The following DNM2 variants were observed in gnomAD, a reference collection of about 807,000 sequenced individuals.
The protein encoded by DNM2 is dynamin 2, also known as dynamin-2.
Under a neutral mutation model 99.0 loss-of-function variants are expected in DNM2, and 15 were observed. The observed-to-expected ratio is 0.15, with a 90% confidence interval of 0.10 to 0.23. The LOEUF is 0.23. Among genes scored for constraint, DNM2 ranks in the 10% least tolerant of loss-of-function variants. DNM2 has a pLI of 1.00. For missense variants in DNM2, 742 were observed against 1,189.4 expected (o/e 0.62, Z 5.53); for synonymous variants, 525 against 481.2 (o/e 1.09, Z -1.19).
Position 10,743,667 on chromosome 19 carries a change from G to A in DNM2, c.162-16071G>A, listed in dbSNP as rs971498167. The stretch of plus-strand genomic sequence containing the variant: ...CTACTAAAAATACAAAAAATTAGCC[G>A]GGTGTGGTGGCGGGTGCTTGTAGTC... On this transcript the variant is annotated intron_variant, in intron 1 of 20. Transcript: ENST00000389253. Among the ~76,000 whole-genome samples, 12 of 151,748 alleles carry A rather than the reference G, an allele frequency of 7.9e-5. No homozygotes were observed. In the East Asian group the frequency reaches 1.4e-3, roughly 17 times the overall value.
intron 15 of DNM2, among the ~76,000 whole-genome samples, chr19:10,819,007 C>T (rs574761422): frequency 2.6e-5 from 4 of 152,218 alleles, no homozygotes; most frequent in African/African-American, 7.2e-5. Flanking sequence ...AGGGTGCCAC[C>T]CCCAGCTCCG....
rs1342132509 is a variant in DNM2, at chr19:10,812,289, TCAA to T, written c.1589_1591del (p.Asn530del). On this transcript the variant is annotated inframe_deletion, in exon 15 of 21. Transcript: ENST00000389253. This position sits in a 1 kb window ranked among gnomAD's most constrained non-coding sequence, Gnocchi z 4.0. ...GTGATCCGCAGGGGCTGGCTGACCA[TCAA>T]CAACATCAGCCTGATGAAAGGCGGC... 5.6e-6 allele frequency: 9 copies of T among 1,607,766 alleles called. No homozygotes were observed. Among genetic ancestry groups the T allele is most frequent in the Non-Finnish European group, 7.6e-6 (9 of 1,176,852 alleles).
At chr19:10,738,851 CAA>C (rs2069629535) in intron 1 of DNM2, among the ~76,000 whole-genome samples, 1 of 123,460 alleles carries the variant, frequency 8.1e-6, no homozygotes, top group African/African-American at 3.1e-5. Flanking sequence ...GCCTGGGCAA[CAA>C]GAGCAAAACT....
intron 1 of DNM2, among the ~76,000 whole-genome samples, chr19:10,732,372 G>C (rs1320376736): frequency 6.7e-6 from 1 of 149,334 alleles, no homozygotes; most frequent in Middle Eastern, 3.3e-3. Context: ...AGGCCGAGGC[G>C]GGCGGATCAC....
At chr19:10,804,712 C>T (rs1419079646) in intron 12 of DNM2, among the ~76,000 whole-genome samples, 4 of 151,988 alleles carry the variant, frequency 2.6e-5, no homozygotes, top group African/African-American at 9.7e-5. Flanking sequence ...AAATAAATAG[C>T]CCAGATAAGA....
At chr19:10,829,412 G>A in intron 19 of DNM2, 144 bp downstream of exon 19, 1 of 1,085,314 alleles carries the variant, frequency 9.2e-7, no homozygotes, top group Non-Finnish European at 1.4e-6. Context: ...CTGCTGCCCT[G>A]CTGAGGCCGG....
rs1436346839 is a variant in DNM2 at position 10,817,138 on chromosome 19, C to T, written c.1672-2842C>T. ...CCACCCCTGAGGAGGAGGCCACCCT[C>T]TTAGATGCCTCAGTGAGACACAAGA... On this transcript the variant is annotated intron_variant, in intron 15 of 20. Coordinates refer to ENST00000389253, the MANE Select transcript of DNM2 (RefSeq NM_001005361.3). The surrounding 1 kb of genome is among the most constrained non-coding windows in gnomAD (Gnocchi z 4.6). Among the ~76,000 whole-genome samples, 1 of 152,194 alleles carries T rather than the reference C, an allele frequency of 6.6e-6. No individual in the cohort carries two copies. Among genetic ancestry groups the T allele is most frequent in the Non-Finnish European group, 1.5e-5 (1 of 68,034 alleles).
rs951824955 is a variant in DNM2 at position 10,818,592 on chromosome 19, C to T, written c.1672-1388C>T. Among the ~76,000 whole-genome samples, 6 of 152,210 alleles carry T rather than the reference C, an allele frequency of 3.9e-5. No homozygotes were observed. The highest frequency in any genetic ancestry group is 1.4e-4 in the African/African-American group (6 of 41,460). On this transcript the variant is annotated intron_variant, in intron 15 of 20. Coordinates refer to ENST00000389253, the MANE Select transcript of DNM2 (RefSeq NM_001005361.3). This position sits in a 1 kb window ranked among gnomAD's most constrained non-coding sequence, Gnocchi z 4.3. ...CAAGCCCACTGCTTCATCCTGGCTC[C>T]CCTTGCAAAGTCCTGACAGTCCCAG...
intron 1 of DNM2, among the ~76,000 whole-genome samples, chr19:10,757,962 A>AAG (rs2070456983): frequency 2.6e-5 from 4 of 151,320 alleles, no homozygotes; most frequent in African/African-American, 9.8e-5. Flanking sequence ...AAAAAAAAAA[A>AAG]AAAGAAAAAG....
At chr19:10,782,903 G>T in intron 5 of DNM2, 57 bp from the exon 6 acceptor site, 1 of 1,612,464 alleles carries the variant, frequency 6.2e-7, no homozygotes. Flanking sequence ...CCATCCCCGT[G>T]CCAGGTCCAC....
At chr19:10,825,020 C>T (rs1844518116) in intron 17 of DNM2, 37 bp from the exon 18 acceptor site, 1 of 1,612,834 alleles carries the variant, frequency 6.2e-7, no homozygotes, top group South Asian at 1.1e-5. Context: ...TGGCCCAGGC[C>T]ACAGTCACCC....
chr19:10,808,121 C>T (rs922797038), intron 13 of DNM2, among the ~76,000 whole-genome samples: 3 of 150,212 alleles, frequency 2.0e-5, no homozygotes, highest in Non-Finnish European at 4.4e-5. Context: ...CTGGCCTGGG[C>T]GGCTGAGCGA....
chr19:10,755,991 A>G (rs1230947671), intron 1 of DNM2, among the ~76,000 whole-genome samples: 1 of 152,172 alleles, frequency 6.6e-6, no homozygotes, highest in Non-Finnish European at 1.5e-5. Flanking sequence ...GATGTGCAAG[A>G]TGCCAAGTGT....
At chr19:10,789,694 T>C (rs987703906) in intron 7 of DNM2, among the ~76,000 whole-genome samples, 1 of 151,930 alleles carries the variant, frequency 6.6e-6, no homozygotes, top group Admixed American at 6.6e-5. Flanking sequence ...ATTAGCCAGG[T>C]GTGGTGGTGG....
rs2071977616 is a variant in DNM2 at position 10,797,463 on chromosome 19, G to A, written c.1280G>A (p.Cys427Tyr). 2 of 1,613,940 alleles carry A rather than the reference G, an allele frequency of 1.2e-6. No homozygotes were observed. The highest frequency in any genetic ancestry group is 1.6e-4 in the Middle Eastern group (1 of 6,068). ...IVKLKEPSLKCVDLVVSELAT... is the reference protein window; with the variant it reads ...IVKLKEPSLKYVDLVVSELAT... ...AAACTCAAAGAGCCGAGTTTGAAGT[G>A]TGTTGATCTCGTGGTCTCAGAGCTG... The change falls in exon 10 of 21, where the codon TGT becomes TAT. Residue 427 changes from cysteine to tyrosine, a missense_variant. Cys to Tyr is a radical substitution (Grantham distance 194). Transcript: ENST00000389253.
rs1006355516 is a variant in DNM2, at chr19:10,764,116, A to G, written c.235+4305A>G. Among the ~76,000 whole-genome samples the G allele has an allele frequency of 1.3e-5, 2 of 152,278 alleles. No homozygotes were observed. The highest frequency in any genetic ancestry group is 3.4e-3 in the Middle Eastern group (1 of 294). On this transcript the variant is annotated intron_variant, in intron 2 of 20. Coordinates refer to ENST00000389253, the MANE Select transcript of DNM2 (RefSeq NM_001005361.3). The surrounding 1 kb of genome is among the most constrained non-coding windows in gnomAD (Gnocchi z 4.1). ...CGGGGCCTTGTGGGGTATACACCAG[A>G]CCACGTGGCTCCTAGGGATTGGCAG...
chr19:10,770,653 A>G (rs914261912), intron 2 of DNM2, among the ~76,000 whole-genome samples: 1 of 152,334 alleles, frequency 6.6e-6, no homozygotes, highest in South Asian at 2.1e-4. Flanking sequence ...CCCCACAATC[A>G]TGGCAGAAGG....
intron 1 of DNM2, among the ~76,000 whole-genome samples, chr19:10,731,953 A>ATTTT (rs1393753614): frequency 7.5e-6 from 1 of 132,524 alleles, no homozygotes; most frequent in East Asian, 2.2e-4. Context: ...CACAGGCTTG[A>ATTTT]TTTTTTTTTT....
At chr19:10,825,033 C>T (rs2073096649) in intron 17 of DNM2, 24 bp from the exon 18 acceptor site, 5 of 1,613,598 alleles carry the variant, frequency 3.1e-6, no homozygotes, top group African/African-American at 2.7e-5. Context: ...AGTCACCCCT[C>T]AGCACCTCCC....
Sources: allele counts gnomAD v4.1 joint callset (sites outside exome capture counted in the v4.1 genomes callset), GRCh38; gene constraint gnomAD v4.1.1; non-coding constraint Gnocchi (gnomAD v3.1); transcripts MANE v1.5; gene names NCBI Gene and HGNC (gene_info 2026-07-23, HGNC 2026-07-21).